SPMIP2: variants seen among roughly 807,000 people sequenced by gnomAD.
SPMIP2 encodes the protein protein SPMIP2.
the SPMIP2 span, among the ~76,000 whole-genome samples, chr4:159,019,580 G>A: frequency 6.6e-6 from 1 of 152,158 alleles, no homozygotes; most frequent in Admixed American, 6.5e-5. Context: ...TCATGGCACT[G>A]GAGAGGCTGC....
the SPMIP2 span, among the ~76,000 whole-genome samples, chr4:159,001,826 T>C: frequency 1.3e-5 from 2 of 152,240 alleles, no homozygotes; most frequent in Non-Finnish European, 1.5e-5. Flanking sequence ...CGTGTCTTTA[T>C]GATACACTAA....
chr4:159,005,608 A>G, the SPMIP2 span, among the ~76,000 whole-genome samples: 2 of 152,188 alleles, frequency 1.3e-5, no homozygotes, highest in African/African-American at 4.8e-5. Flanking sequence ...CCAAACTGAG[A>G]AGTGCTATAA....
the SPMIP2 span, among the ~76,000 whole-genome samples, chr4:159,032,572 T>G: frequency 3.9e-5 from 6 of 152,142 alleles, no homozygotes; most frequent in Non-Finnish European, 7.3e-5. Context: ...AGAAGAAATT[T>G]TAAGTGTTAA....
chr4:158,947,218 A>T, the SPMIP2 span, among the ~76,000 whole-genome samples: 6 of 152,224 alleles, frequency 3.9e-5, no homozygotes, highest in African/African-American at 1.4e-4. Context: ...TGACAGTCTT[A>T]AAAACAGAAA....
the SPMIP2 span, among the ~76,000 whole-genome samples, chr4:158,996,668 T>C: frequency 6.6e-6 from 1 of 152,200 alleles, no homozygotes; most frequent in Non-Finnish European, 1.5e-5. Context: ...TTTCCATCTG[T>C]GTGCACTGCA....
the SPMIP2 span, among the ~76,000 whole-genome samples, chr4:158,964,167 CAAAA>C: frequency 2.7e-4 from 14 of 52,238 alleles, no homozygotes; most frequent in South Asian, 8.4e-3. Flanking sequence ...CAAAACAAAA[CAAAA>C]CAAAACAAAA....
chr4:159,063,331 G>C, the SPMIP2 span, among the ~76,000 whole-genome samples: 1 of 152,172 alleles, frequency 6.6e-6, no homozygotes, highest in Admixed American at 6.5e-5. Flanking sequence ...GACCGAGACA[G>C]GAGGATCACT....
chr4:158,901,103 G>C, the SPMIP2 span, among the ~76,000 whole-genome samples: 2 of 150,682 alleles, frequency 1.3e-5, no homozygotes, highest in African/African-American at 4.9e-5. Context: ...GCTTAGTTTG[G>C]CTGGATATGA....
At chr4:159,071,264 A>G in the SPMIP2 span, among the ~76,000 whole-genome samples, 16 of 152,158 alleles carry the variant, frequency 1.1e-4, no homozygotes, top group Non-Finnish European at 1.9e-4. Context: ...TTGTTGTTAG[A>G]ATAATATACA....
the SPMIP2 span, among the ~76,000 whole-genome samples, chr4:158,994,964 C>T: frequency 0.99 from 150,581 of 152,384 alleles, 74,415 homozygotes; most frequent in East Asian, 1. Context: ...GGCCTAACCA[C>T]TGAAAGAACT....
chr4:158,965,280 T>G, the SPMIP2 span, among the ~76,000 whole-genome samples: 1 of 151,942 alleles, frequency 6.6e-6, no homozygotes, highest in East Asian at 1.9e-4. Context: ...AAGACTGGAA[T>G]TAATTTTCTT....
At chr4:159,049,148 A>G in the SPMIP2 span, among the ~76,000 whole-genome samples, 1 of 152,242 alleles carries the variant, frequency 6.6e-6, no homozygotes. Context: ...GTCGAGAAAG[A>G]TAAAGCAACG....
the SPMIP2 span, among the ~76,000 whole-genome samples, chr4:158,986,579 T>C: frequency 7.0e-4 from 107 of 152,190 alleles, no homozygotes; most frequent in African/African-American, 2.4e-3. Context: ...GCTAGCCATA[T>C]GTAGAAAGCT....
At chr4:159,026,416 T>C in the SPMIP2 span, 2 of 991,012 alleles carry the variant, frequency 2.0e-6, no homozygotes, top group East Asian at 5.6e-5. Context: ...GCATCAGGAG[T>C]GGGATGGGAA....
chr4:158,925,635 A>G, the SPMIP2 span, among the ~76,000 whole-genome samples: 3 of 152,234 alleles, frequency 2.0e-5, no homozygotes, highest in Admixed American at 6.5e-5. Context: ...AAGGGTTCAC[A>G]GTCTTATGAG....
At chr4:158,937,521 G>A in the SPMIP2 span, 1 of 154,356 alleles carries the variant, frequency 6.5e-6, no homozygotes, top group Admixed American at 6.5e-5. Flanking sequence ...TGGGAAAATC[G>A]AGGTTCTACT....
the SPMIP2 span, chr4:158,960,323 A>G: frequency 6.4e-7 from 1 of 1,571,468 alleles, no homozygotes; most frequent in South Asian, 1.1e-5. Context: ...GAATCAAGAG[A>G]AGCTTGACTT....
the SPMIP2 span, among the ~76,000 whole-genome samples, chr4:158,935,039 A>G: frequency 6.6e-6 from 1 of 152,236 alleles, no homozygotes; most frequent in Non-Finnish European, 1.5e-5. Flanking sequence ...TGCCTATTAG[A>G]ATTAAGCACA....
At chr4:158,893,671 T>C in the SPMIP2 span, 1 of 1,580,416 alleles carries the variant, frequency 6.3e-7, no homozygotes, top group Non-Finnish European at 8.6e-7. Context: ...TTTCTCCTTC[T>C]AAAAGCAGGT....
Sources: gnomAD v4.1 joint callset for allele counts (sites outside exome capture counted in the v4.1 genomes callset) on GRCh38, gnomAD v4.1.1 for gene constraint, MANE v1.5 for transcripts, NCBI Gene and HGNC (gene_info 2026-07-23, HGNC 2026-07-21) for gene names.